The following IL1RAPL1 variants were observed in gnomAD, a reference collection of about 807,000 sequenced individuals.
IL1RAPL1 encodes interleukin 1 receptor accessory protein like 1, also known as interleukin-1 receptor accessory protein-like 1.
A neutral mutation model predicts 48.4 loss-of-function variants in IL1RAPL1; 3 were observed. That is an observed-to-expected ratio of 0.06 (90% CI 0.03 to 0.16). IL1RAPL1 has a LOEUF of 0.16. Ranked by LOEUF, IL1RAPL1 falls within the 10% of genes least tolerant of loss-of-function variation. The probability of loss-of-function intolerance (pLI) is 1.00; values close to 1 mark genes in which losing one functional copy is unlikely to be tolerated. For synonymous variants in IL1RAPL1, 185 were observed against 187.7 expected (o/e 0.99, Z 0.12); for missense variants, 349 against 530.6 (o/e 0.66, Z 3.36).
At chrX:28,937,463 T>C (rs921630450) in intron 2 of IL1RAPL1, among the ~76,000 whole-genome samples, 5 of 111,168 alleles carry the variant, frequency 4.5e-5, no homozygotes, top group Admixed American at 9.7e-5. Flanking sequence ...TTAGATATCA[T>C]TAGTAGTCAC....
At chrX:29,439,851 GTTTTTTTT>G (rs760458968) in intron 5 of IL1RAPL1, among the ~76,000 whole-genome samples, 1 of 59,865 alleles carries the variant, frequency 1.7e-5, no homozygotes, top group African/African-American at 7.1e-5. Context: ...TGTTTGTTTG[GTTTTTTTT>G]TTTTTTTTTT....
intron 6 of IL1RAPL1, among the ~76,000 whole-genome samples, chrX:29,781,650 A>G (rs1450957852): frequency 8.9e-6 from 1 of 111,999 alleles, no homozygotes; most frequent in Admixed American, 9.5e-5. Context: ...AAAGGTCACT[A>G]CTTTCGAACT....
chrX:29,349,724 G>T (rs1336667305), intron 3 of IL1RAPL1, among the ~76,000 whole-genome samples: 1 of 110,300 alleles, frequency 9.1e-6, no homozygotes, highest in East Asian at 2.9e-4. Flanking sequence ...GAGCATTTGC[G>T]GTTCTGTCTC....
chrX:29,230,522 A>AACAAAAC (rs1569265291), intron 2 of IL1RAPL1, among the ~76,000 whole-genome samples: 1 of 90,826 alleles, frequency 1.1e-5, no homozygotes, highest in East Asian at 3.6e-4. Flanking sequence ...AAAAAAAAAA[A>AACAAAAC]AAAAAAAAAA....
At chrX:29,454,645 T>C (rs1339651470) in intron 5 of IL1RAPL1, among the ~76,000 whole-genome samples, 2 of 111,486 alleles carry the variant, frequency 1.8e-5, no homozygotes, top group Non-Finnish European at 3.8e-5. Flanking sequence ...GAAAAAATTC[T>C]GAAGGGCAAA....
chrX:28,901,897 T>A (rs932934678), intron 2 of IL1RAPL1, among the ~76,000 whole-genome samples: 1 of 111,780 alleles, frequency 8.9e-6, no homozygotes, highest in Non-Finnish European at 1.9e-5. Context: ...TCTAACTCTT[T>A]AAGTAATTTG....
intron 5 of IL1RAPL1, among the ~76,000 whole-genome samples, chrX:29,661,145 G>A (rs1310909347): frequency 8.9e-6 from 1 of 112,069 alleles, no homozygotes; most frequent in African/African-American, 3.2e-5. Flanking sequence ...GTATAGAAAT[G>A]CTACTAATTT....
intron 2 of IL1RAPL1, among the ~76,000 whole-genome samples, chrX:29,267,355 A>G (rs1271711515): frequency 1.8e-5 from 2 of 112,333 alleles, no homozygotes; most frequent in East Asian, 5.5e-4. Flanking sequence ...GAACTATTGA[A>G]TATAAAAACA....
At chrX:29,038,285 GT>G (rs2147414616) in intron 2 of IL1RAPL1, among the ~76,000 whole-genome samples, 1 of 111,489 alleles carries the variant, frequency 9.0e-6, no homozygotes, top group African/African-American at 3.3e-5. Context: ...TCTATTTACT[GT>G]TTGTAGGTTT....
chrX:28,796,748 G>A (rs987332975), intron 2 of IL1RAPL1, among the ~76,000 whole-genome samples: 3 of 111,069 alleles, frequency 2.7e-5, no homozygotes, highest in Admixed American at 9.5e-5. Flanking sequence ...GCAAGCTGTC[G>A]GTGGGTCTAC....
chrX:29,022,634 T>C (rs1050132522), intron 2 of IL1RAPL1, among the ~76,000 whole-genome samples: 3 of 111,778 alleles, frequency 2.7e-5, no homozygotes, highest in Non-Finnish European at 3.8e-5. Flanking sequence ...GGTGATTAGC[T>C]TAGAAGTCCC....
chrX:29,268,894 C>T (rs868792567), intron 2 of IL1RAPL1, among the ~76,000 whole-genome samples: 39 of 111,962 alleles, frequency 3.5e-4, no homozygotes, highest in Middle Eastern at 4.6e-3. Flanking sequence ...CATTCATCCT[C>T]TAAAATTTCA....
chrX:29,236,545 C>CTTT (rs754996544), intron 2 of IL1RAPL1, among the ~76,000 whole-genome samples: 28 of 63,165 alleles, frequency 4.4e-4, no homozygotes, highest in African/African-American at 1.3e-3. Context: ...CTTTTTTTTT[C>CTTT]TTTTTTTTTT....
chrX:29,693,616 T>A (rs947691886), intron 6 of IL1RAPL1, among the ~76,000 whole-genome samples: 2 of 111,944 alleles, frequency 1.8e-5, no homozygotes, highest in African/African-American at 6.5e-5. Context: ...GAGCAATAAT[T>A]GCAATACTCT....
At chrX:29,778,082 T>C (rs2147155134) in intron 6 of IL1RAPL1, among the ~76,000 whole-genome samples, 1 of 111,261 alleles carries the variant, frequency 9.0e-6, no homozygotes, top group East Asian at 2.8e-4. Flanking sequence ...TTGGAAGACA[T>C]ATCAATATCA....
intron 6 of IL1RAPL1, among the ~76,000 whole-genome samples, chrX:29,684,944 C>T (rs1051180851): frequency 3.8e-4 from 43 of 112,213 alleles, no homozygotes; most frequent in African/African-American, 1.3e-3. Flanking sequence ...ATTCCCTGCA[C>T]GCAAAGTTGG....
chrX:29,779,358 C>T (rs1397996781), intron 6 of IL1RAPL1, among the ~76,000 whole-genome samples: 5 of 111,229 alleles, frequency 4.5e-5, no homozygotes, highest in Admixed American at 1.9e-4. Flanking sequence ...TTGGAACCAA[C>T]GTTTATTTAT....
At chrX:29,635,886 C>T (rs1228482999) in intron 5 of IL1RAPL1, among the ~76,000 whole-genome samples, 2 of 110,493 alleles carry the variant, frequency 1.8e-5, no homozygotes, top group African/African-American at 6.6e-5. Flanking sequence ...TGCCCTTTCT[C>T]CATCCTCATT....
At chrX:29,452,948 G>A (rs1326102064) in intron 5 of IL1RAPL1, among the ~76,000 whole-genome samples, 1 of 86,219 alleles carries the variant, frequency 1.2e-5, no homozygotes, top group Admixed American at 1.4e-4. Context: ...TTTTTGAGAC[G>A]GAGTCTTGCT....
Sources: gnomAD v4.1 joint callset for allele counts (sites outside exome capture counted in the v4.1 genomes callset) on GRCh38, gnomAD v4.1.1 for gene constraint, MANE v1.5 for transcripts, NCBI Gene and HGNC (gene_info 2026-07-23, HGNC 2026-07-21) for gene names.